The following AIRE variants were observed in gnomAD, a reference collection of about 807,000 sequenced individuals.
AIRE encodes the protein autoimmune polyendocrinopathy candidiasis ectodermal dystrophy protein.
A neutral mutation model predicts 62.1 loss-of-function variants in AIRE; 52 were observed. The observed-to-expected ratio is 0.84, with a 90% confidence interval of 0.67 to 1.06. AIRE has a LOEUF of 1.06. Ranked by LOEUF, AIRE falls within the 50% of genes least tolerant of loss-of-function variation. The pLI, the probability that AIRE is intolerant of heterozygous loss-of-function variation, is 0.00. For synonymous variants in AIRE, 342 were observed against 321.6 expected (o/e 1.06, Z -0.68); for missense variants, 774 against 755.8 (o/e 1.02, Z -0.28).
Position 44,286,546 on chromosome 21 carries a change from C to T in AIRE, c.133-11C>T. On this transcript the variant is annotated splice_polypyrimidine_tract_variant and intron_variant, in intron 1 of 13. Transcript: ENST00000291582. The surrounding 1 kb of genome is among the most constrained non-coding windows in gnomAD (Gnocchi z 6.0). ...GACCATGGCAGGGACCCTCATGCCA[C>T]CCCACTGCAGGAGACGCTTCATCTG... is the stretch of plus-strand genomic sequence containing the variant. 1 of 1,604,814 alleles carries T rather than the reference C, an allele frequency of 6.2e-7. No homozygotes were observed. The highest frequency in any genetic ancestry group is 8.5e-7 in the Non-Finnish European group (1 of 1,173,862).
In AIRE at chr21:44,287,439, C is replaced by T; in HGVS notation, c.464-78C>T. The stretch of plus-strand genomic sequence containing the variant: ...CACTGGACCGCCCCCTCCACGCCCT[C>T]CCACCGCGGGCCCCTGCCCACCGGC... On this transcript the variant is annotated intron_variant, in intron 3 of 13. Coordinates refer to ENST00000291582, the MANE Select transcript of AIRE (RefSeq NM_000383.4). The surrounding 1 kb of genome is among the most constrained non-coding windows in gnomAD (Gnocchi z 4.3). The T allele has an allele frequency of 1.9e-6, 2 of 1,050,092 alleles. No individual in the cohort carries two copies. Among genetic ancestry groups the T allele is most frequent in the Non-Finnish European group, 2.9e-6 (2 of 694,276 alleles). The allele number at this position is 1,050,092 out of a possible 1,614,324, so 65.0% of individuals were successfully genotyped here.
At chr21:44,294,301 T>G in intron 11 of AIRE, 100 bp from the exon 12 acceptor site, 2 of 244,572 alleles carry the variant, frequency 8.2e-6, no homozygotes, top group East Asian at 8.9e-5. Flanking sequence ...CACACCCCCA[T>G]CCCCCACTCA....
chr21:44,288,263 G>A (rs927798402), intron 4 of AIRE, 82 bp from the exon 5 acceptor site: 2 of 1,188,618 alleles, frequency 1.7e-6, no homozygotes, highest in African/African-American at 1.5e-5. Flanking sequence ...CTGCAGCCCA[G>A]TGCTGCCTGC....
In AIRE at chr21:44,289,520, G is replaced by A. The variant is rs1601966418; in HGVS notation, c.653-137G>A. 3 of 1,250,964 alleles carry A rather than the reference G, an allele frequency of 2.4e-6. No individual in the cohort carries two copies. In the East Asian group the frequency reaches 7.2e-5, roughly 30 times the overall value. 77.5% of individuals were successfully genotyped at this position (1,250,964 alleles called of 1,614,324 possible). A position where few individuals can be genotyped will look rare whatever the true frequency, so the allele number is the denominator to read the frequency against. On this transcript the variant is annotated intron_variant, in intron 5 of 13. Transcript: ENST00000291582. Reference sequence around the variant, plus strand: ...AATCCCCGGGCCCCAGACTCGACTGGGGTGGGGGCGGGCTGGAGGAATGCA... The same window carrying A: ...AATCCCCGGGCCCCAGACTCGACTGAGGTGGGGGCGGGCTGGAGGAATGCA...
At chr21:44,294,803 G>T (rs1249627148) in intron 12 of AIRE, among the ~76,000 whole-genome samples, 1 of 152,166 alleles carries the variant, frequency 6.6e-6, no homozygotes, top group Non-Finnish European at 1.5e-5. Context: ...GCTCCCTGGT[G>T]GGGTGAAGGG....
chr21:44,296,743 C>T (rs1027787477), intron 13 of AIRE, among the ~76,000 whole-genome samples: 1 of 151,872 alleles, frequency 6.6e-6, no homozygotes, highest in Non-Finnish European at 1.5e-5. Flanking sequence ...ACGGCCCCTC[C>T]CCTGAGGGCC....
At chr21:44,291,000 G>A (rs768040995) in intron 7 of AIRE, 95 bp from the exon 8 acceptor site, 1 of 1,613,518 alleles carries the variant, frequency 6.2e-7, no homozygotes, top group East Asian at 2.2e-5. Context: ...GGTACCCAGA[G>A]ATGCTGCTGG....
rs367966318 is a variant in AIRE, at chr21:44,294,450, G to A, written c.1450G>A (p.Val484Met). The A allele has an allele frequency of 9.3e-5, 147 of 1,572,530 alleles. No homozygotes were observed. The highest frequency in any genetic ancestry group is 1.7e-4 in the Middle Eastern group (1 of 5,874). ...SCSGDVTPAP[V>M]EGVLAPSPAR... is the part of the protein sequence containing the mutation. ...CTCAGGAGACGTGACCCCAGCCCCTGTGGAGGGGGTGCTGGCCCCCAGCCC... is the reference window on the plus strand; with the variant it reads ...CTCAGGAGACGTGACCCCAGCCCCTATGGAGGGGGTGCTGGCCCCCAGCCC... The change falls in exon 12 of 14, where the codon GTG becomes ATG. Residue 484 changes from valine (V) to methionine (M), a missense_variant. Transcript: ENST00000291582.
Position 44,297,742 on chromosome 21 carries a change from G to T in AIRE, c.*15G>T. On this transcript the variant is annotated 3_prime_UTR_variant, in exon 14 of 14. Transcript: ENST00000291582. This position sits in a 1 kb window ranked among gnomAD's most constrained non-coding sequence, Gnocchi z 4.8. ...TCCCCTCCTGACCCCAGATGGCCGG[G>T]ACATGCAGCTCTGATGAGAGAGTGC... is the stretch of plus-strand genomic sequence containing the variant. 3 of 1,604,008 alleles carry T rather than the reference G, an allele frequency of 1.9e-6. No homozygotes were observed. The highest frequency in any genetic ancestry group is 2.6e-6 in the Non-Finnish European group (3 of 1,172,346).
Position 44,292,291 on chromosome 21 carries a change from C to A in AIRE, c.996-11C>A. On this transcript the variant is annotated splice_polypyrimidine_tract_variant and intron_variant, in intron 8 of 13. Transcript: ENST00000291582. ...GTTCTGCATGTCTCTGACTGGTGGA[C>A]ACACGAGCAGTGGGACCTGGAGGTG... 6.4e-7 allele frequency: 1 copy of A among 1,563,074 alleles called. No homozygotes were observed. Among genetic ancestry groups the A allele is most frequent in the Non-Finnish European group, 8.7e-7 (1 of 1,153,322 alleles).
In AIRE at chr21:44,289,086, C is replaced by T. The variant is rs567852341; in HGVS notation, c.653-571C>T. On this transcript the variant is annotated intron_variant, in intron 5 of 13. Transcript: ENST00000291582. The stretch of plus-strand genomic sequence containing the variant: ...TTGCACCTCTGGATGGTCCCAAGGC[C>T]CACTGTGTTACTTCCTAAGGCTGTT... 1.8e-5 allele frequency: 3 copies of T among 166,344 alleles called. No individual in the cohort carries two copies. In the East Asian group the frequency reaches 5.1e-4, roughly 28 times the overall value. 10.3% of individuals were successfully genotyped at this position (166,344 alleles called of 1,614,324 possible). A position where few individuals can be genotyped will look rare whatever the true frequency, so the allele number is the denominator to read the frequency against.
intron 12 of AIRE, 23 bp from the exon 13 acceptor site, chr21:44,296,360 C>A: frequency 6.2e-7 from 1 of 1,608,832 alleles, no homozygotes; most frequent in South Asian, 1.1e-5. Flanking sequence ...TTGGGCTGAC[C>A]TCTTCTCTTT....
rs2040639400 is a variant in AIRE, at chr21:44,298,481, T to C, written c.*754T>C. The C allele has an allele frequency of 6.5e-6, 1 of 153,710 alleles. No individual in the cohort carries two copies. Among genetic ancestry groups the C allele is most frequent in the African/African-American group, 2.4e-5 (1 of 41,466 alleles). The allele number at this position is 153,710 out of a possible 1,614,324, so 9.5% of individuals were successfully genotyped here. ...CGAAATCTGCTTCCTTTTTTAAGGC[T>C]GAGTAATATTCCAGCACATGGATGG... On this transcript the variant is annotated 3_prime_UTR_variant, in exon 14 of 14. Transcript: ENST00000291582.
At chr21:44,289,616 G>C (rs779752072) in intron 5 of AIRE, 41 bp from the exon 6 acceptor site, 3 of 1,611,608 alleles carry the variant, frequency 1.9e-6, no homozygotes, top group Admixed American at 1.7e-5. Context: ...GGCAGGTCCT[G>C]CTGGGCGGGT....
At chr21:44,293,218 C>T in intron 10 of AIRE, 43 bp downstream of exon 10, 1 of 1,495,410 alleles carries the variant, frequency 6.7e-7, no homozygotes, top group Non-Finnish European at 8.9e-7. Flanking sequence ...TCAAGGAGCC[C>T]AGGACCTACG....
At position 44,287,041 on chromosome 21, in the gene AIRE, C is replaced by T. The variant is rs193922417; in HGVS notation, c.371C>T (p.Pro124Leu). ...KPPAVPKALV[P>L]PPRLPTKRKA... The stretch of plus-strand genomic sequence containing the variant: ...CCGGCCGTCCCCAAGGCTTTGGTAC[C>T]GCCACCCAGACTCCCCACCAAGAGG... Residue 124 changes from proline to leucine, a missense_variant, in exon 3 of 14, where the codon CCG becomes CTG. Pro to Leu is a moderately conservative substitution (Grantham distance 98). Transcript: ENST00000291582. The surrounding 1 kb of genome is among the most constrained non-coding windows in gnomAD (Gnocchi z 4.3). 1.1e-4 allele frequency: 175 copies of T among 1,612,794 alleles called. No homozygotes were observed. The East Asian group carries it at 1.8e-3, about 16-fold the overall frequency.
chr21:44,288,052 TG>T (rs1052221059), intron 4 of AIRE, among the ~76,000 whole-genome samples: 7 of 152,110 alleles, frequency 4.6e-5, no homozygotes, highest in African/African-American at 9.7e-5. Context: ...GCCCATGTCA[TG>T]GGGGGGTGGG....
At position 44,297,252 on chromosome 21, in the gene AIRE, G is replaced by T. The variant is rs575605392; in HGVS notation, c.1567-404G>T. 6.6e-6 allele frequency among the ~76,000 whole-genome samples: 1 copy of T among 152,314 alleles called. No individual in the cohort carries two copies. The highest frequency in any genetic ancestry group is 6.5e-5 in the Admixed American group (1 of 15,306). On this transcript the variant is annotated intron_variant, in intron 13 of 13. Coordinates refer to ENST00000291582, the MANE Select transcript of AIRE (RefSeq NM_000383.4). The surrounding 1 kb of genome is among the most constrained non-coding windows in gnomAD (Gnocchi z 4.8). ...TTATTCTGCTGGCATCGTGGGGCCC[G>T]TGGCCCCATCCTGTGGGAGCATCAG...
intron 11 of AIRE, 179 bp from the exon 12 acceptor site, chr21:44,294,222 C>A (rs1432078085): frequency 7.4e-6 from 3 of 406,586 alleles, no homozygotes; most frequent in African/African-American, 5.4e-5. Flanking sequence ...ACACCCTACA[C>A]CCAACCCAAA....
Sources: gnomAD v4.1 joint callset for allele counts (sites outside exome capture counted in the v4.1 genomes callset) on GRCh38, gnomAD v4.1.1 for gene constraint, Gnocchi (gnomAD v3.1) non-coding constraint, MANE v1.5 for transcripts, NCBI Gene and HGNC (gene_info 2026-07-23, HGNC 2026-07-21) for gene names.